FGGY: variants seen among roughly 807,000 people sequenced by gnomAD.
The protein encoded by FGGY is FGGY carbohydrate kinase domain containing, also known as FGGY carbohydrate kinase domain-containing protein.
A neutral mutation model predicts 71.3 loss-of-function variants in FGGY; 72 were observed. That is an observed-to-expected ratio of 1.01 (90% confidence interval 0.84 to 1.23). The LOEUF (loss-of-function observed/expected upper bound fraction) is 1.23, where lower values mean the gene tolerates loss of function less well. FGGY is among the 50% of genes most tolerant of loss of function. FGGY has a pLI of 0.00. For synonymous variants in FGGY, 251 were observed against 250.3 expected, an observed-to-expected ratio of 1.00 and a Z score of -0.02; for missense variants, 668 against 682.3, an observed-to-expected ratio of 0.98 and a Z score of 0.23.
chr1:59,696,322 A>G (rs2097658724), intron 14 of FGGY, among the ~76,000 whole-genome samples: 1 of 152,200 alleles, frequency 6.6e-6, no homozygotes, highest in African/African-American at 2.4e-5. Flanking sequence ...GTTTTCATGA[A>G]CATTTTTCCC....
At chr1:59,637,881 C>T (rs2096977496) in intron 10 of FGGY, among the ~76,000 whole-genome samples, 6 of 152,196 alleles carry the variant, frequency 3.9e-5, no homozygotes. Flanking sequence ...CTTTGATCTT[C>T]ACAATAACCC....
At chr1:59,449,981 A>G (rs2072312875) in intron 5 of FGGY, among the ~76,000 whole-genome samples, 1 of 152,182 alleles carries the variant, frequency 6.6e-6, no homozygotes, top group African/African-American at 2.4e-5. Flanking sequence ...AAAGTAGAAT[A>G]AGTTTCTTTT....
intron 10 of FGGY, among the ~76,000 whole-genome samples, chr1:59,627,473 T>TATATATAC (rs1481384284): frequency 2.3e-5 from 3 of 130,438 alleles, no homozygotes; most frequent in African/African-American, 1.0e-4. Context: ...TATATATATA[T>TATATATAC]ATATATATAT....
intron 4 of FGGY, among the ~76,000 whole-genome samples, chr1:59,376,063 A>G (rs893195728): frequency 6.6e-6 from 1 of 152,024 alleles, no homozygotes; most frequent in Non-Finnish European, 1.5e-5. Flanking sequence ...ACCACAAGAC[A>G]TATGGAAATA....
At chr1:59,395,519 A>G (rs889833678) in intron 5 of FGGY, among the ~76,000 whole-genome samples, 1 of 152,210 alleles carries the variant, frequency 6.6e-6, no homozygotes, top group African/African-American at 2.4e-5. Context: ...TCATGAGTAC[A>G]GGGACCATAT....
At chr1:59,664,873 A>G (rs1467125573) in intron 12 of FGGY, among the ~76,000 whole-genome samples, 1 of 152,118 alleles carries the variant, frequency 6.6e-6, no homozygotes, top group Non-Finnish European at 1.5e-5. Flanking sequence ...ATTTTTTTGC[A>G]TGTTGACATT....
At chr1:59,598,242 G>C (rs186426302) in intron 8 of FGGY, among the ~76,000 whole-genome samples, 1 of 152,340 alleles carries the variant, frequency 6.6e-6, no homozygotes, top group East Asian at 1.9e-4. Flanking sequence ...TTTGTATATA[G>C]AAGGCCAAGT....
intron 8 of FGGY, among the ~76,000 whole-genome samples, chr1:59,565,460 A>G (rs1449513687): frequency 6.6e-6 from 1 of 151,968 alleles, no homozygotes; most frequent in African/African-American, 2.4e-5. Flanking sequence ...AATTTTTTGT[A>G]TTTTTAGTAG....
Position 59,637,133 on chromosome 1 carries a change from C to T in FGGY, c.1074-1095C>T, listed in dbSNP as rs531554513. ...ACCCGGTGAGGTAGGTGTTATTAAACCTATTTTATGAGTGGGAAAATTGGA... is the reference window on the plus strand; with the variant it reads ...ACCCGGTGAGGTAGGTGTTATTAAATCTATTTTATGAGTGGGAAAATTGGA... On this transcript the variant is annotated intron_variant, in intron 10 of 15. Transcript: ENST00000303721. Among the ~76,000 whole-genome samples, 6 of 152,204 alleles carry T rather than the reference C, an allele frequency of 3.9e-5. No homozygotes were observed. In the East Asian group the frequency reaches 7.7e-4, roughly 20 times the overall value.
intron 4 of FGGY, among the ~76,000 whole-genome samples, chr1:59,359,948 T>C (rs957090778): frequency 6.6e-6 from 1 of 152,112 alleles, no homozygotes; most frequent in African/African-American, 2.4e-5. Flanking sequence ...ATGGCTTTGC[T>C]AAAGGGTCTG....
At chr1:59,606,002 G>A (rs1290274144) in intron 8 of FGGY, among the ~76,000 whole-genome samples, 1 of 152,084 alleles carries the variant, frequency 6.6e-6, no homozygotes, top group Non-Finnish European at 1.5e-5. Context: ...TGTGACTTCA[G>A]CATTCCTTAC....
At chr1:59,302,428 G>T (rs1330928261) in intron 1 of FGGY, among the ~76,000 whole-genome samples, 1 of 152,146 alleles carries the variant, frequency 6.6e-6, no homozygotes, top group Non-Finnish European at 1.5e-5. Flanking sequence ...GTCAATGGTA[G>T]ATTGGATAAA....
intron 14 of FGGY, among the ~76,000 whole-genome samples, chr1:59,757,393 G>A (rs1054208573): frequency 3.3e-5 from 5 of 152,196 alleles, no homozygotes; most frequent in Admixed American, 2.6e-4. Flanking sequence ...AAGTCACTTA[G>A]ACTCAGCCCG....
chr1:59,346,543 G>A (rs2051960286), intron 4 of FGGY, 145 bp downstream of exon 4: 1 of 888,354 alleles, frequency 1.1e-6, no homozygotes, highest in African/African-American at 1.7e-5. Flanking sequence ...CCATTTTATT[G>A]ATTACAGTGT....
intron 6 of FGGY, among the ~76,000 whole-genome samples, chr1:59,482,570 A>ATGTGTG (rs5774470): frequency 0.03 from 4,409 of 147,984 alleles, 76 homozygotes; most frequent in Non-Finnish European, 0.042. Context: ...GTGTATATAT[A>ATGTGTG]TGTGTGTGTG....
chr1:59,704,174 C>T (rs2097733824), intron 14 of FGGY, among the ~76,000 whole-genome samples: 1 of 152,080 alleles, frequency 6.6e-6, no homozygotes, highest in African/African-American at 2.4e-5. Context: ...AGGCGGATTC[C>T]AGCTGAGCAT....
intron 8 of FGGY, among the ~76,000 whole-genome samples, chr1:59,578,053 A>G (rs928737677): frequency 6.6e-6 from 1 of 152,172 alleles, no homozygotes; most frequent in African/African-American, 2.4e-5. Context: ...CCCTGAGGAT[A>G]TAAAAGAGGT....
intron 2 of FGGY, among the ~76,000 whole-genome samples, chr1:59,330,731 T>G (rs1179319538): frequency 1.3e-5 from 2 of 152,032 alleles, no homozygotes; most frequent in Non-Finnish European, 2.9e-5. Context: ...GATGGGAACA[T>G]CAAGGATCGA....
chr1:59,700,371 T>A (rs761626151), intron 14 of FGGY, among the ~76,000 whole-genome samples: 9 of 152,236 alleles, frequency 5.9e-5, no homozygotes, highest in Non-Finnish European at 1.3e-4. Flanking sequence ...CTAACCACTT[T>A]GCATGAATTA....
Sources: gnomAD v4.1 joint callset for allele counts (sites outside exome capture counted in the v4.1 genomes callset) on GRCh38, gnomAD v4.1.1 for gene constraint, MANE v1.5 for transcripts, NCBI Gene and HGNC (gene_info 2026-07-23, HGNC 2026-07-21) for gene names.